DYNC1I1: variants seen among roughly 807,000 people sequenced by gnomAD.
DYNC1I1 encodes cytoplasmic dynein 1 intermediate chain 1.
Under a neutral mutation model 86.6 loss-of-function variants are expected in DYNC1I1, and 43 were observed. That is an observed-to-expected ratio of 0.50 (90% confidence interval 0.39 to 0.64). DYNC1I1 has a LOEUF of 0.64. DYNC1I1 is among the 30% of genes least tolerant of loss of function. The pLI, the probability that DYNC1I1 is intolerant of heterozygous loss-of-function variation, is 0.00. For synonymous variants in DYNC1I1, 262 were observed against 283.7 expected (o/e 0.92, Z 0.77); for missense variants, 604 against 788.8 (o/e 0.77, Z 2.81).
chr7:95,970,434 AG>A (rs1793135779), intron 6 of DYNC1I1, among the ~76,000 whole-genome samples: 1 of 152,180 alleles, frequency 6.6e-6, no homozygotes, highest in Non-Finnish European at 1.5e-5. Context: ...ATTTTCATTG[AG>A]GGTCAAGCCA....
Position 95,864,848 on chromosome 7 carries a change from G to A in DYNC1I1, c.375-5035G>A, listed in dbSNP as rs933675950. Among the ~76,000 whole-genome samples, 4 of 151,870 alleles carry A rather than the reference G, an allele frequency of 2.6e-5. No individual in the cohort carries two copies. The East Asian group carries it at 5.8e-4, about 22-fold the overall frequency. ...CTCTAGAATAGCCTGGGATCTGATG[G>A]CAGGGTGGGGAAGCTCAAACAGGTC... On this transcript the variant is annotated intron_variant, in intron 5 of 16. Coordinates refer to ENST00000447467, the MANE Select transcript of DYNC1I1 (RefSeq NM_001135556.2).
intron 1 of DYNC1I1, among the ~76,000 whole-genome samples, chr7:95,801,205 A>G (rs1390397119): frequency 1.3e-5 from 2 of 152,204 alleles, no homozygotes; most frequent in Non-Finnish European, 2.9e-5. Flanking sequence ...TTAAAGACAT[A>G]TTATTTGGAT....
At chr7:95,968,403 G>C (rs1167946527) in intron 6 of DYNC1I1, among the ~76,000 whole-genome samples, 1 of 152,088 alleles carries the variant, frequency 6.6e-6, no homozygotes, top group Non-Finnish European at 1.5e-5. Context: ...GGTATGGAAG[G>C]TACCACTCTG....
chr7:95,853,750 C>G (rs1789642542), intron 5 of DYNC1I1, among the ~76,000 whole-genome samples: 1 of 151,958 alleles, frequency 6.6e-6, no homozygotes, highest in South Asian at 2.1e-4. Flanking sequence ...TGTTGATGTC[C>G]CCTACGATTA....
chr7:95,966,063 A>G (rs1364278351), intron 6 of DYNC1I1, among the ~76,000 whole-genome samples: 3 of 152,154 alleles, frequency 2.0e-5, no homozygotes, highest in Admixed American at 2.0e-4. Flanking sequence ...ATGGGTGACC[A>G]TGTGTTCTGG....
At chr7:95,942,993 A>C (rs1319736672) in intron 6 of DYNC1I1, among the ~76,000 whole-genome samples, 3 of 130,712 alleles carry the variant, frequency 2.3e-5, no homozygotes, top group East Asian at 2.4e-4. Context: ...CACCACTCCT[A>C]TTCAACATAG....
chr7:95,836,148 G>A (rs912159815), intron 5 of DYNC1I1, among the ~76,000 whole-genome samples: 5 of 152,000 alleles, frequency 3.3e-5, no homozygotes, highest in African/African-American at 9.7e-5. Flanking sequence ...TCCTTCAGGA[G>A]CTCTTTTAGG....
At chr7:95,983,708 G>A (rs528208357) in intron 7 of DYNC1I1, among the ~76,000 whole-genome samples, 1 of 152,284 alleles carries the variant, frequency 6.6e-6, no homozygotes, top group African/African-American at 2.4e-5. Flanking sequence ...CATGTGGCCA[G>A]GTGGAAATCG....
chr7:96,063,708 A>G (rs1387737000), intron 14 of DYNC1I1, among the ~76,000 whole-genome samples: 2 of 152,200 alleles, frequency 1.3e-5, no homozygotes, highest in African/African-American at 4.8e-5. Flanking sequence ...TACCTCCACA[A>G]ACAACAGTCT....
At chr7:96,071,705 A>G (rs1197380310) in intron 14 of DYNC1I1, among the ~76,000 whole-genome samples, 3 of 152,180 alleles carry the variant, frequency 2.0e-5, no homozygotes, top group Non-Finnish European at 4.4e-5. Flanking sequence ...ACAAGGTGCT[A>G]AAGACTCTTG....
At chr7:95,779,585 A>G (rs1485087817) in intron 1 of DYNC1I1, among the ~76,000 whole-genome samples, 1 of 152,164 alleles carries the variant, frequency 6.6e-6, no homozygotes, top group African/African-American at 2.4e-5. Flanking sequence ...ATAACAAAAA[A>G]TTGTCTTGAT....
intron 7 of DYNC1I1, 86 bp downstream of exon 7, chr7:95,977,687 A>T (rs574134074): frequency 1.6e-6 from 2 of 1,283,324 alleles, no homozygotes; most frequent in Non-Finnish European, 2.1e-6. Flanking sequence ...AGAGCTAAGT[A>T]AAAATTGAAT....
At chr7:95,776,231 C>T (rs1562887560) in intron 1 of DYNC1I1, among the ~76,000 whole-genome samples, 1 of 152,162 alleles carries the variant, frequency 6.6e-6, no homozygotes, top group Non-Finnish European at 1.5e-5. Context: ...AGAGACTTTT[C>T]ATCAATATCC....
At chr7:95,846,848 G>C (rs993830213) in intron 5 of DYNC1I1, among the ~76,000 whole-genome samples, 1 of 152,140 alleles carries the variant, frequency 6.6e-6, no homozygotes, top group Admixed American at 6.5e-5. Flanking sequence ...ATTGTAAAAT[G>C]TCTGTCATAT....
intron 1 of DYNC1I1, among the ~76,000 whole-genome samples, chr7:95,789,401 A>G (rs1794234315): frequency 1.3e-5 from 2 of 152,238 alleles, no homozygotes; most frequent in South Asian, 4.1e-4. Context: ...TCTTATCTGC[A>G]TAGTAAGGTA....
intron 6 of DYNC1I1, among the ~76,000 whole-genome samples, chr7:95,946,392 G>T (rs1405089783): frequency 6.6e-6 from 1 of 152,132 alleles, no homozygotes; most frequent in Non-Finnish European, 1.5e-5. Flanking sequence ...TCTTCAATTA[G>T]CGTGTTTGGA....
chr7:95,791,827 T>A (rs913216178), intron 1 of DYNC1I1, among the ~76,000 whole-genome samples: 1 of 152,180 alleles, frequency 6.6e-6, no homozygotes, highest in African/African-American at 2.4e-5. Context: ...GTTGAATGGA[T>A]GAGACAATGT....
At chr7:96,050,555 G>A (rs1408935410) in intron 14 of DYNC1I1, among the ~76,000 whole-genome samples, 5 of 152,064 alleles carry the variant, frequency 3.3e-5, no homozygotes, top group Non-Finnish European at 7.4e-5. Flanking sequence ...TTTGAAGTGG[G>A]ACAAACATGA....
intron 14 of DYNC1I1, among the ~76,000 whole-genome samples, chr7:96,050,790 A>G (rs1042855063): frequency 1.3e-5 from 2 of 152,148 alleles, no homozygotes; most frequent in African/African-American, 4.8e-5. Context: ...TGCTGCTTTA[A>G]TAATGTTGAT....
Sources: allele counts gnomAD v4.1 joint callset (sites outside exome capture counted in the v4.1 genomes callset), GRCh38; gene constraint gnomAD v4.1.1; transcripts MANE v1.5; gene names NCBI Gene and HGNC (gene_info 2026-07-23, HGNC 2026-07-21).